CYP39A1: variants seen among roughly 807,000 people sequenced by gnomAD.
CYP39A1 encodes the protein 24-hydroxycholesterol 7-alpha-hydroxylase.
In CYP39A1, 49 loss-of-function variants were observed where a neutral mutation model predicts 58.1. The observed-to-expected ratio is 0.84, with a 90% CI of 0.67 to 1.07. The LOEUF is 1.07. Ranked by LOEUF, CYP39A1 falls within the 50% of genes least tolerant of loss-of-function variation. CYP39A1 has a pLI of 0.00. For synonymous variants in CYP39A1, 209 were observed against 187.6 expected (o/e 1.11, Z -0.93); for missense variants, 531 against 539.4 (o/e 0.98, Z 0.16).
intron 7 of CYP39A1, among the ~76,000 whole-genome samples, chr6:46,615,011 A>C (rs1279525129): frequency 6.6e-6 from 1 of 152,074 alleles, no homozygotes; most frequent in Non-Finnish European, 1.5e-5. Context: ...TCTTTATTTC[A>C]GTAACTCTTG....
intron 10 of CYP39A1, among the ~76,000 whole-genome samples, chr6:46,565,722 T>C (rs923903996): frequency 1.3e-5 from 2 of 152,114 alleles, no homozygotes; most frequent in African/African-American, 4.8e-5. Context: ...TTAAGCAGCA[T>C]ACACCACATT....
intron 7 of CYP39A1, among the ~76,000 whole-genome samples, chr6:46,602,081 A>G (rs1773542920): frequency 6.6e-6 from 1 of 152,180 alleles, no homozygotes; most frequent in African/African-American, 2.4e-5. Context: ...TCTTCGATGT[A>G]TATCCAGTAT....
At chr6:46,584,642 G>C (rs140369598) in intron 10 of CYP39A1, among the ~76,000 whole-genome samples, 1 of 152,214 alleles carries the variant, frequency 6.6e-6, no homozygotes, top group African/African-American at 2.4e-5. Flanking sequence ...CAGGTATTAA[G>C]GGGCCTTTTC....
chr6:46,649,527 C>T (rs1196964981), intron 1 of CYP39A1, among the ~76,000 whole-genome samples: 2 of 152,180 alleles, frequency 1.3e-5, no homozygotes, highest in Non-Finnish European at 2.9e-5. Flanking sequence ...CATATCCATG[C>T]ATCTTCAAAG....
At chr6:46,652,215 C>A (rs921597099) in intron 1 of CYP39A1, among the ~76,000 whole-genome samples, 191 bp downstream of exon 1, 2 of 152,184 alleles carry the variant, frequency 1.3e-5, no homozygotes, top group African/African-American at 2.4e-5. Flanking sequence ...TATTTCATTT[C>A]TTTCGCAAAA....
intron 7 of CYP39A1, among the ~76,000 whole-genome samples, chr6:46,596,995 G>T (rs1310591023): frequency 6.6e-6 from 1 of 152,060 alleles, no homozygotes; most frequent in Non-Finnish European, 1.5e-5. Context: ...AGACCATCTT[G>T]GGAATGAGTG....
At chr6:46,604,790 A>G (rs1459538999) in intron 7 of CYP39A1, among the ~76,000 whole-genome samples, 2 of 152,186 alleles carry the variant, frequency 1.3e-5, no homozygotes, top group Non-Finnish European at 2.9e-5. Context: ...ATAGACTAAG[A>G]ACATGTAGAA....
At chr6:46,637,262 C>T (rs1776045894) in intron 4 of CYP39A1, among the ~76,000 whole-genome samples, 1 of 152,190 alleles carries the variant, frequency 6.6e-6, no homozygotes, top group Non-Finnish European at 1.5e-5. Flanking sequence ...CTCCAGCCTC[C>T]AGGGCGATGA....
intron 6 of CYP39A1, among the ~76,000 whole-genome samples, chr6:46,628,574 C>T (rs1231838961): frequency 6.6e-6 from 1 of 152,188 alleles, no homozygotes; most frequent in African/African-American, 2.4e-5. Flanking sequence ...ATGGAGCCTC[C>T]TAGTGACCCA....
intron 7 of CYP39A1, among the ~76,000 whole-genome samples, chr6:46,603,794 G>T (rs1204365845): frequency 3.9e-5 from 6 of 152,194 alleles, no homozygotes; most frequent in Non-Finnish European, 7.3e-5. Flanking sequence ...TTTACTCTCT[G>T]CCTTATATAG....
intron 5 of CYP39A1, among the ~76,000 whole-genome samples, chr6:46,633,633 T>C (rs1173589488): frequency 6.6e-6 from 1 of 152,014 alleles, no homozygotes; most frequent in Non-Finnish European, 1.5e-5. Context: ...CCGAGGCAGG[T>C]GGGTCACGAG....
Position 46,550,313 on chromosome 6 carries a change from G to C in CYP39A1, c.*53C>G. The stretch of plus-strand genomic sequence containing the variant: ...AGCTCAGGTCTAGGTGCTGCCAGGT[G>C]GGGTAGTGCCACTCCTCCAGAAGGC... On this transcript the variant is annotated 3_prime_UTR_variant, in exon 12 of 12. Coordinates refer to ENST00000275016, the MANE Select transcript of CYP39A1 (RefSeq NM_016593.5). The C allele has an allele frequency of 6.8e-7, 1 of 1,466,810 alleles. No individual in the cohort carries two copies. The highest frequency in any genetic ancestry group is 9.5e-7 in the Non-Finnish European group (1 of 1,055,910). The allele number at this position is 1,466,810 out of a possible 1,614,324, so 90.9% of individuals were successfully genotyped here. A position where few individuals can be genotyped will look rare whatever the true frequency, so the allele number is the denominator to read the frequency against.
chr6:46,647,631 C>A (rs957992199), intron 1 of CYP39A1, among the ~76,000 whole-genome samples: 11 of 152,034 alleles, frequency 7.2e-5, no homozygotes, highest in Non-Finnish European at 1.6e-4. Context: ...AATATTTTTC[C>A]AACAATCTAC....
At chr6:46,607,487 A>T (rs1335096362) in intron 7 of CYP39A1, among the ~76,000 whole-genome samples, 1 of 151,960 alleles carries the variant, frequency 6.6e-6, no homozygotes, top group East Asian at 1.9e-4. Flanking sequence ...ACACACACAC[A>T]CACATGCATA....
intron 10 of CYP39A1, among the ~76,000 whole-genome samples, chr6:46,557,933 C>CA (rs1186594398): frequency 0.17 from 6,358 of 37,428 alleles, 992 homozygotes; most frequent in African/African-American, 0.4. Flanking sequence ...GACTCCATCT[C>CA]AAAAAAAAAA....
At chr6:46,576,443 A>AT (rs1771850339) in intron 10 of CYP39A1, among the ~76,000 whole-genome samples, 1 of 152,194 alleles carries the variant, frequency 6.6e-6, no homozygotes, top group South Asian at 2.1e-4. Flanking sequence ...AAGCCAGAGC[A>AT]TTTTTTAACC....
chr6:46,616,456 A>G (rs1774614897), intron 7 of CYP39A1, among the ~76,000 whole-genome samples: 2 of 151,552 alleles, frequency 1.3e-5, no homozygotes, highest in Admixed American at 1.3e-4. Context: ...GCCTCATTAT[A>G]TTACCCAGGA....
intron 10 of CYP39A1, among the ~76,000 whole-genome samples, chr6:46,568,942 C>T (rs1330426641): frequency 6.6e-6 from 1 of 151,494 alleles, no homozygotes; most frequent in Admixed American, 6.6e-5. Flanking sequence ...AACATCATTG[C>T]GATTACATTG....
intron 10 of CYP39A1, among the ~76,000 whole-genome samples, chr6:46,570,640 A>G (rs1771535754): frequency 1.3e-5 from 2 of 152,174 alleles, no homozygotes; most frequent in African/African-American, 4.8e-5. Context: ...TAGTGCCAGT[A>G]TCTGCTTCTG....
Sources: allele counts gnomAD v4.1 joint callset (sites outside exome capture counted in the v4.1 genomes callset), GRCh38; gene constraint gnomAD v4.1.1; transcripts MANE v1.5; gene names NCBI Gene and HGNC (gene_info 2026-07-23, HGNC 2026-07-21).